AGMO: variants seen among roughly 807,000 people sequenced by gnomAD.
The protein encoded by AGMO is glyceryl-ether monooxygenase.
AGMO carries 75 observed loss-of-function variants against 60.2 expected under a neutral mutation model. The observed-to-expected ratio is 1.25, with a 90% CI of 1.03 to 1.51. AGMO has a LOEUF of 1.51. AGMO is among the 40% of genes most tolerant of loss of function. The probability of loss-of-function intolerance (pLI) is 0.00; values close to 1 mark genes in which losing one functional copy is unlikely to be tolerated. For synonymous variants in AGMO, 261 were observed against 177.1 expected, an observed-to-expected ratio of 1.47 and a Z score of -3.76; for missense variants, 763 against 525.5, an observed-to-expected ratio of 1.45 and a Z score of -4.42.
chr7:15,351,200 G>T (rs1158509715), intron 12 of AGMO, among the ~76,000 whole-genome samples: 1 of 152,096 alleles, frequency 6.6e-6, no homozygotes, highest in Non-Finnish European at 1.5e-5. Context: ...TGCATAATGG[G>T]AAAGGGTCCT....
At chr7:15,280,892 T>A (rs1156274255) in intron 12 of AGMO, among the ~76,000 whole-genome samples, 1 of 152,174 alleles carries the variant, frequency 6.6e-6, no homozygotes, top group Non-Finnish European at 1.5e-5. Flanking sequence ...CTAATGTAGA[T>A]AGAGTCTACA....
At chr7:15,360,430 G>C (rs1216744070) in intron 12 of AGMO, among the ~76,000 whole-genome samples, 1 of 152,176 alleles carries the variant, frequency 6.6e-6, no homozygotes, top group Non-Finnish European at 1.5e-5. Flanking sequence ...AACATGAACA[G>C]ACGATTAACA....
rs1554396498 is a variant in AGMO, at chr7:15,218,327, A to ATATGTG, written c.1264-16969_1264-16968insCACATA. On this transcript the variant is annotated intron_variant, in intron 12 of 12. Coordinates refer to ENST00000342526, the MANE Select transcript of AGMO (RefSeq NM_001004320.2). The stretch of plus-strand genomic sequence containing the variant: ...ATACTATATTGACTATGGTGTGTGT[A>ATATGTG]TGTGTGTGTGTGTGTGTGTGTGTGT... Among the ~76,000 whole-genome samples, 1,075 of 144,010 alleles carry ATATGTG rather than the reference A, an allele frequency of 7.5e-3. 16 individuals carry two copies. The highest frequency in any genetic ancestry group is 0.046 in the Middle Eastern group (13 of 282). 94.5% of individuals were successfully genotyped at this position (144,010 alleles called of 152,430 possible).
intron 3 of AGMO, among the ~76,000 whole-genome samples, chr7:15,489,515 C>A (rs545868301): frequency 2.6e-4 from 40 of 152,268 alleles, no homozygotes; most frequent in Middle Eastern, 3.4e-3. Flanking sequence ...CGGCCAGGAA[C>A]CTTCAGCCAG....
chr7:15,337,790 T>C (rs1422558128), intron 12 of AGMO, among the ~76,000 whole-genome samples: 1 of 152,210 alleles, frequency 6.6e-6, no homozygotes, highest in Non-Finnish European at 1.5e-5. Flanking sequence ...AGCTGTTTCT[T>C]ACATTTAGCA....
intron 12 of AGMO, among the ~76,000 whole-genome samples, chr7:15,293,541 AT>A (rs1160099243): frequency 3.9e-5 from 6 of 152,292 alleles, no homozygotes; most frequent in African/African-American, 1.4e-4. Context: ...TTATAAAAAA[AT>A]GTTGAAACAA....
At chr7:15,391,583 A>AC (rs1209793110) in intron 6 of AGMO, among the ~76,000 whole-genome samples, 2 of 152,176 alleles carry the variant, frequency 1.3e-5, no homozygotes, top group Admixed American at 6.5e-5. Context: ...CCAAGCCATT[A>AC]CCCCAAGAAG....
At chr7:15,252,255 T>C (rs968125305) in intron 12 of AGMO, among the ~76,000 whole-genome samples, 1 of 152,190 alleles carries the variant, frequency 6.6e-6, no homozygotes, top group East Asian at 1.9e-4. Flanking sequence ...TGGTGGTGCT[T>C]ACAATCTTAA....
chr7:15,191,464 T>C, the AGMO span, among the ~76,000 whole-genome samples: 1 of 152,290 alleles, frequency 6.6e-6, no homozygotes, highest in African/African-American at 2.4e-5. Flanking sequence ...TTGATGCAGA[T>C]AAACCACAGC....
Position 15,365,575 on chromosome 7 carries a change from A to G in AGMO, c.1202T>C (p.Leu401Ser), listed in dbSNP as rs888511476. The G allele has an allele frequency of 1.1e-5, 17 of 1,612,872 alleles. No individual in the cohort carries two copies. The highest frequency in any genetic ancestry group is 1.4e-5 in the Non-Finnish European group (17 of 1,179,118). ...IMETLRCLMF[L>S]MLYRFGHLKP... is the part of the protein sequence containing the mutation. Reference sequence around the variant, plus strand: ...CAGGTGACCAAATCGGTACAGCATTAAGAACATCAAGCAACGGAGAGTTTC... The same window carrying G: ...CAGGTGACCAAATCGGTACAGCATTGAGAACATCAAGCAACGGAGAGTTTC... The change falls in exon 12 of 13, where the codon TTA becomes TCA. Residue 401 changes from leucine to serine, a missense_variant. By Grantham distance (145) the Leu-to-Ser change is moderately radical. Coordinates refer to ENST00000342526, the MANE Select transcript of AGMO (RefSeq NM_001004320.2).
the AGMO span, among the ~76,000 whole-genome samples, chr7:15,149,846 G>A: frequency 6.6e-6 from 1 of 151,920 alleles, no homozygotes. Context: ...TTAATTCTGT[G>A]AAAAAAATGA....
intron 3 of AGMO, among the ~76,000 whole-genome samples, chr7:15,488,091 T>A (rs1269136537): frequency 6.6e-6 from 1 of 152,172 alleles, no homozygotes; most frequent in Non-Finnish European, 1.5e-5. Flanking sequence ...TGCTGGCCCA[T>A]AAGCAAAGAG....
rs201817249 is a variant in AGMO at position 15,394,209 on chromosome 7, T to C, written c.610-30A>G. 9.6e-4 allele frequency: 1,386 copies of C among 1,437,654 alleles called. 6 individuals carry two copies. The highest frequency in any genetic ancestry group is 6.3e-3 in the Middle Eastern group (36 of 5,688). The allele number at this position is 1,437,654 out of a possible 1,614,324, so 89.1% of individuals were successfully genotyped here. A position where few individuals can be genotyped will look rare whatever the true frequency, so the allele number is the denominator to read the frequency against. On this transcript the variant is annotated intron_variant, in intron 5 of 12. Coordinates refer to ENST00000342526, the MANE Select transcript of AGMO (RefSeq NM_001004320.2). ...TTAAAACAGAAGGAATATTTATACA[T>C]GTAGTTATCATTAAATGTGTGTTAG...
chr7:15,413,325 C>A (rs1448282443), intron 5 of AGMO, among the ~76,000 whole-genome samples: 1 of 152,096 alleles, frequency 6.6e-6, no homozygotes, highest in Non-Finnish European at 1.5e-5. Flanking sequence ...AATTACAGAG[C>A]ATTTCTGATC....
At chr7:15,331,157 A>G (rs1781488894) in intron 12 of AGMO, among the ~76,000 whole-genome samples, 2 of 152,120 alleles carry the variant, frequency 1.3e-5, no homozygotes, top group Non-Finnish European at 2.9e-5. Context: ...TTGTAATTGG[A>G]TCCTTCTGTC....
chr7:15,386,335 A>G (rs1783914130), intron 9 of AGMO, among the ~76,000 whole-genome samples: 1 of 152,186 alleles, frequency 6.6e-6, no homozygotes, highest in Non-Finnish European at 1.5e-5. Context: ...CTAGCATTTA[A>G]GTTTCCCCAA....
At chr7:15,466,396 T>C (rs1479180584) in intron 3 of AGMO, among the ~76,000 whole-genome samples, 1 of 152,144 alleles carries the variant, frequency 6.6e-6, no homozygotes, top group African/African-American at 2.4e-5. Flanking sequence ...TTTAATGATA[T>C]AATGTAGTTA....
rs370523169 is a variant in AGMO, at chr7:15,243,267, A to T, written c.1264-41908T>A. Among the ~76,000 whole-genome samples, 8 of 152,234 alleles carry T rather than the reference A, an allele frequency of 5.3e-5. No individual in the cohort carries two copies. The East Asian group carries it at 1.5e-3, about 29-fold the overall frequency. ...AGAGCTGGGTGGTAAATATTTATCA[A>T]TGTTTCTTTGTTCTTCTAAGCAGCT... is the stretch of plus-strand genomic sequence containing the variant. On this transcript the variant is annotated intron_variant, in intron 12 of 12. Coordinates refer to ENST00000342526, the MANE Select transcript of AGMO (RefSeq NM_001004320.2).
At chr7:15,234,079 GAGA>G (rs201788164) in intron 12 of AGMO, among the ~76,000 whole-genome samples, 2,337 of 152,132 alleles carry the variant, frequency 0.015, 72 homozygotes, top group African/African-American at 0.054. Flanking sequence ...AAAAATATTA[GAGA>G]AGAACAGGTC....
Sources: gnomAD v4.1 joint callset for allele counts (sites outside exome capture counted in the v4.1 genomes callset) on GRCh38, gnomAD v4.1.1 for gene constraint, MANE v1.5 for transcripts, NCBI Gene and HGNC (gene_info 2026-07-23, HGNC 2026-07-21) for gene names.